Variants in RBM26 observed in about 807,000 individuals in gnomAD.
The protein encoded by RBM26 is RNA-binding protein 26.
A neutral mutation model predicts 123.6 loss-of-function variants in RBM26; 30 were observed. That is an observed-to-expected ratio of 0.24 (90% CI 0.18 to 0.33). The LOEUF (loss-of-function observed/expected upper bound fraction) is 0.33. Among genes scored for constraint, RBM26 ranks in the 10% least tolerant of loss-of-function variants. The probability of loss-of-function intolerance (pLI) is 1.00; values close to 1 mark genes in which losing one functional copy is unlikely to be tolerated. For synonymous variants in RBM26, 400 were observed against 404.4 expected, an observed-to-expected ratio of 0.99 and a Z score of 0.13; for missense variants, 947 against 1,203.6, an observed-to-expected ratio of 0.79 and a Z score of 3.15.
intron 14 of RBM26, among the ~76,000 whole-genome samples, chr13:79,350,415 A>G (rs1171184210): frequency 1.3e-5 from 2 of 152,230 alleles, no homozygotes; most frequent in African/African-American, 4.8e-5. Context: ...GACAGTATAC[A>G]CAGATGTAGC....
chr13:79,369,734 C>T (rs1053628880), intron 5 of RBM26, among the ~76,000 whole-genome samples: 1 of 152,168 alleles, frequency 6.6e-6, no homozygotes, highest in African/African-American at 2.4e-5. Context: ...TTGGGAATGA[C>T]ACGCTCTTGC....
chr13:79,383,410 T>A (rs531713194), intron 1 of RBM26, among the ~76,000 whole-genome samples: 2 of 152,236 alleles, frequency 1.3e-5, no homozygotes, highest in South Asian at 4.2e-4. Flanking sequence ...TGAAACATAT[T>A]AATAGTTACT....
At chr13:79,352,025 A>G (rs571714566) in intron 14 of RBM26, among the ~76,000 whole-genome samples, 1 of 152,296 alleles carries the variant, frequency 6.6e-6, no homozygotes. Flanking sequence ...GCTAAGGGCT[A>G]GGATAAATTA....
At position 79,311,984 on chromosome 13, in the gene RBM26, ATTCTAG is replaced by A. The variant is rs576402596; in HGVS notation, c.*2980_*2985del. On this transcript the variant is annotated 3_prime_UTR_variant, in exon 5 of 5. Transcript: ENST00000449987. The stretch of plus-strand genomic sequence containing the variant: ...AACATTCTAAGCATACAAGAGTAGT[ATTCTAG>A]TTCAAGTTTTATCTTTTTTCAGTTC... 6.7e-3 allele frequency: 1,024 copies of A among 152,230 alleles called. 12 individuals are homozygous for A. The highest frequency in any genetic ancestry group is 0.023 in the African/African-American group (971 of 41,578). The allele number at this position is 152,230 out of a possible 1,614,324, so 9.4% of individuals were successfully genotyped here.
In RBM26 at chr13:79,377,449, T is replaced by C. The variant is rs1188739071; in HGVS notation, c.257A>G (p.Glu86Gly). 6.2e-7 allele frequency: 1 copy of C among 1,612,994 alleles called. No individual in the cohort carries two copies. The highest frequency in any genetic ancestry group is 1.1e-5 in the South Asian group (1 of 91,064). The change falls in exon 3 of 22, where the codon GAG (glutamate) becomes GGG (glycine). Residue 86 changes from glutamate to glycine, a missense_variant. Physicochemically the swap from Glu to Gly is moderately conservative, Grantham distance 98 (BLOSUM62 -2). Coordinates refer to ENST00000438737, the MANE Select transcript of RBM26 (RefSeq NM_001366735.2). ...VNTKSYLPPP[E>G]QPSSGSLKVE... ...CTTCAGGCTTCCTGATGATGGCTGC[T>C]CTGGAGGAGGTAGGTAACTCTTTGT...
chr13:79,339,209 A>AC (rs2070960592), intron 18 of RBM26, among the ~76,000 whole-genome samples: 1 of 152,190 alleles, frequency 6.6e-6, no homozygotes, highest in South Asian at 2.1e-4. Context: ...AATCTAAAAC[A>AC]ATCAAACTCA....
chr13:79,324,407 T>C (rs2138473223), intron 20 of RBM26, among the ~76,000 whole-genome samples: 1 of 152,062 alleles, frequency 6.6e-6, no homozygotes, highest in East Asian at 1.9e-4. Context: ...TGAACAATCT[T>C]GTGTATTTGT....
intron 18 of RBM26, among the ~76,000 whole-genome samples, chr13:79,338,942 A>G (rs548371133): frequency 5.3e-5 from 8 of 152,334 alleles, no homozygotes; most frequent in African/African-American, 1.9e-4. Flanking sequence ...TGGTTTGTAT[A>G]ACTGTACAGA....
At chr13:79,375,352 G>T (rs1811252264) in intron 3 of RBM26, among the ~76,000 whole-genome samples, 1 of 151,092 alleles carries the variant, frequency 6.6e-6, no homozygotes, top group East Asian at 1.9e-4. Flanking sequence ...TTTGTTTTTA[G>T]TAGCGACAGG....
At position 79,320,496 on chromosome 13, in the gene RBM26, T is replaced by C. The variant is rs1035492288; in HGVS notation, c.*125A>G. On this transcript the variant is annotated 3_prime_UTR_variant, in exon 22 of 22. Coordinates refer to ENST00000438737, the MANE Select transcript of RBM26 (RefSeq NM_001366735.2). ...AGGTAGTTTTCTTCTTTTTTGTCTA[T>C]TTGTGAAATCCATCTTCATCACATT... 5 of 1,270,988 alleles carry C rather than the reference T, an allele frequency of 3.9e-6. No homozygotes were observed. Among genetic ancestry groups the C allele is most frequent in the Non-Finnish European group, 5.0e-6 (5 of 1,003,522 alleles). The allele number at this position is 1,270,988 out of a possible 1,614,324, so 78.7% of individuals were successfully genotyped here.
chr13:79,324,990 A>C (rs574601720), intron 20 of RBM26, among the ~76,000 whole-genome samples: 1 of 152,162 alleles, frequency 6.6e-6, no homozygotes, highest in East Asian at 1.9e-4. Flanking sequence ...AACAATGACT[A>C]TATACAAAAG....
chr13:79,366,544 T>C (rs1379027882), intron 7 of RBM26, 89 bp downstream of exon 7: 6 of 1,349,344 alleles, frequency 4.4e-6, no homozygotes, highest in African/African-American at 4.4e-5. Flanking sequence ...GGGATTCCTT[T>C]AGATACTTTT....
chr13:79,366,522 T>C lies in RBM26; in HGVS notation c.1135+111A>G, dbSNP rs569675698. On this transcript the variant is annotated intron_variant, in intron 7 of 21. Transcript: ENST00000438737. ...GGAAGTATACTGCTATTAATTTCTA[T>C]CAGGCATTTTTGGGATTCCTTTAGA... is the stretch of plus-strand genomic sequence containing the variant. 60 of 1,126,420 alleles carry C rather than the reference T, an allele frequency of 5.3e-5. No homozygotes were observed. The African/African-American group carries it at 8.4e-4, about 16-fold the overall frequency. The allele number at this position is 1,126,420 out of a possible 1,614,324, so 69.8% of individuals were successfully genotyped here.
chr13:79,344,134 T>C, intron 16 of RBM26, 114 bp downstream of exon 16: 1 of 746,726 alleles, frequency 1.3e-6, no homozygotes, highest in Non-Finnish European at 2.4e-6. Context: ...TGACAAATAT[T>C]TGTTTTACCA....
At chr13:79,384,742 A>G (rs541044146) in intron 1 of RBM26, among the ~76,000 whole-genome samples, 13 of 152,340 alleles carry the variant, frequency 8.5e-5, no homozygotes, top group Admixed American at 2.6e-4. Flanking sequence ...TTATAATAAA[A>G]TATCTTTAAA....
chr13:79,348,183 T>C (rs1166787206), intron 14 of RBM26, among the ~76,000 whole-genome samples: 1 of 152,160 alleles, frequency 6.6e-6, no homozygotes, highest in Non-Finnish European at 1.5e-5. Context: ...AGGATATTTG[T>C]GTCTATGTTC....
At chr13:79,339,548 A>T (rs551142057) in intron 18 of RBM26, among the ~76,000 whole-genome samples, 1 of 152,274 alleles carries the variant, frequency 6.6e-6, no homozygotes, top group South Asian at 2.1e-4. Flanking sequence ...ATTTGTCAAT[A>T]TAACAAAATA....
intron 20 of RBM26, among the ~76,000 whole-genome samples, chr13:79,333,019 TACATAAA>T (rs1594019735): frequency 6.6e-6 from 1 of 151,980 alleles, no homozygotes; most frequent in Non-Finnish European, 1.5e-5. Context: ...CCCTAGAAAA[TACATAAA>T]ACATAAAACT....
At chr13:79,344,397 T>C in intron 15 of RBM26, 75 bp from the exon 16 acceptor site, 1 of 1,166,736 alleles carries the variant, frequency 8.6e-7, no homozygotes, top group South Asian at 1.3e-5. Context: ...AGAGAAATAG[T>C]TGTAACTGCA....
Sources: allele counts gnomAD v4.1 joint callset (sites outside exome capture counted in the v4.1 genomes callset), GRCh38; gene constraint gnomAD v4.1.1; transcripts MANE v1.5; gene names NCBI Gene and HGNC (gene_info 2026-07-23, HGNC 2026-07-21).